Variants in BNIP5 observed in about 807,000 individuals in gnomAD.
BNIP5 encodes the protein BCL2 interacting protein 5, also known as protein BNIP5.
In BNIP5, 61 loss-of-function variants were observed where a neutral mutation model predicts 67.3. That is an observed-to-expected ratio of 0.91 (90% CI 0.74 to 1.12). The LOEUF is 1.12. Among genes scored for constraint, BNIP5 ranks in the 50% most tolerant of loss-of-function variants. The pLI is 0.00. For missense variants in BNIP5, 826 were observed against 816.3 expected, an observed-to-expected ratio of 1.01 and a Z score of -0.14; for synonymous variants, 317 against 319.0, an observed-to-expected ratio of 0.99 and a Z score of 0.07.
rs776142033 is a variant in BNIP5 at position 36,323,565 on chromosome 6, G to A, written c.1231-32C>T. 2.5e-6 allele frequency: 4 copies of A among 1,612,384 alleles called. No individual in the cohort carries two copies. In the African/African-American group the frequency reaches 4.0e-5, roughly 16 times the overall value. ...GGGAGATGAGAGAAACTGAGTCAGG[G>A]CCCCTGACCTTGAGGAGATCTCAGG... On this transcript the variant is annotated intron_variant, in intron 7 of 11. Transcript: ENST00000437635.
intron 11 of BNIP5, 105 bp from the exon 12 acceptor site, chr6:36,317,496 C>G (rs1333764932): frequency 1.0e-6 from 1 of 962,326 alleles, no homozygotes; most frequent in African/African-American, 1.6e-5. Context: ...CCCACCCCAG[C>G]CTCCATCTCT....
At chr6:36,328,512 C>T in intron 3 of BNIP5, 86 bp downstream of exon 3, 2 of 831,528 alleles carry the variant, frequency 2.4e-6, no homozygotes, top group South Asian at 2.9e-5. Context: ...CATCCAAGGT[C>T]TCAGTAATCA....
intron 1 of BNIP5, among the ~76,000 whole-genome samples, chr6:36,332,668 A>T (rs1291914983): frequency 6.6e-6 from 1 of 152,024 alleles, no homozygotes; most frequent in Non-Finnish European, 1.5e-5. Context: ...TCCATTCTCC[A>T]TCCAGAATGA....
At chr6:36,322,957 C>A (rs1771669064) in intron 8 of BNIP5, among the ~76,000 whole-genome samples, 1 of 152,272 alleles carries the variant, frequency 6.6e-6, no homozygotes, top group African/African-American at 2.4e-5. Flanking sequence ...AAACCCAGTT[C>A]TCTGTGCTTT....
intron 1 of BNIP5, among the ~76,000 whole-genome samples, chr6:36,333,369 A>G (rs1273794805): frequency 6.6e-6 from 1 of 152,222 alleles, no homozygotes; most frequent in Non-Finnish European, 1.5e-5. Context: ...CTACATGGAA[A>G]CTTTTAGCAA....
At chr6:36,320,566 C>A (rs1771611903) in intron 10 of BNIP5, among the ~76,000 whole-genome samples, 1 of 152,212 alleles carries the variant, frequency 6.6e-6, no homozygotes, top group Non-Finnish European at 1.5e-5. Context: ...AGAGAGGCAC[C>A]CAGAGCGTCC....
Position 36,321,151 on chromosome 6 carries a change from T to C in BNIP5, c.1668+4A>G. The C allele has an allele frequency of 6.3e-7, 1 of 1,580,416 alleles. No homozygotes were observed. Among genetic ancestry groups the C allele is most frequent in the Non-Finnish European group, 8.6e-7 (1 of 1,161,936 alleles). On this transcript the variant is annotated splice_donor_region_variant and intron_variant, in intron 10 of 11. Transcript: ENST00000437635. ...TGGCCTGGGGAGGGCTGAGTGGTAC[T>C]CACCTGCTGCCCCAGTTGGCCATCC...
chr6:36,322,500 A>C, intron 8 of BNIP5, 58 bp from the exon 9 acceptor site: 1 of 1,564,780 alleles, frequency 6.4e-7, no homozygotes, highest in Non-Finnish European at 8.7e-7. Flanking sequence ...AGTTCCTGAC[A>C]AGAAGCTGTT....
At chr6:36,317,491 C>T (rs1040348980) in intron 11 of BNIP5, 100 bp from the exon 12 acceptor site, 2 of 1,003,160 alleles carry the variant, frequency 2.0e-6, no homozygotes, top group East Asian at 4.8e-5. Flanking sequence ...GACACCCCAC[C>T]CCAGCCTCCA....
intron 9 of BNIP5, 78 bp downstream of exon 9, chr6:36,322,233 C>T: frequency 1.9e-6 from 3 of 1,561,522 alleles, no homozygotes; most frequent in South Asian, 2.2e-5. Context: ...CAGAACCATC[C>T]CCTATTCAGC....
rs1561886440 is a variant in BNIP5 at position 36,330,467 on chromosome 6, G to A, written c.224C>T (p.Ala75Val). ...ATCTCCGGTCTCCTCGGGAGTGGGG[G>A]CTGCAGCGGTGGTGCAGTGAGCCTC... Reference protein sequence around the residue: ...SAEAHCTTAAAPTPEETGDFL... With the variant: ...SAEAHCTTAAVPTPEETGDFL... The change falls in exon 2 of 12, where the codon GCC (alanine) becomes GTC (valine). Residue 75 changes from alanine (A) to valine (V), a missense_variant. Coordinates refer to ENST00000437635, the MANE Select transcript of BNIP5 (RefSeq NM_001010903.5). 5 of 1,614,204 alleles carry A rather than the reference G, an allele frequency of 3.1e-6. No individual in the cohort carries two copies. In the Admixed American group the frequency reaches 5.0e-5, roughly 16 times the overall value.
chr6:36,326,792 A>G (rs776422809), intron 4 of BNIP5, 39 bp from the exon 5 acceptor site: 12 of 1,610,962 alleles, frequency 7.4e-6, no homozygotes, highest in Non-Finnish European at 1.0e-5. Flanking sequence ...GGTTCATGAC[A>G]CTGAGAGGGG....
intron 9 of BNIP5, among the ~76,000 whole-genome samples, chr6:36,321,544 G>T (rs1180368952): frequency 2.0e-5 from 3 of 152,150 alleles, no homozygotes; most frequent in Non-Finnish European, 4.4e-5. Flanking sequence ...GGGTAGCACA[G>T]TCAAGAATGG....
At chr6:36,335,750 T>C (rs1012837654) in intron 1 of BNIP5, among the ~76,000 whole-genome samples, 4 of 152,210 alleles carry the variant, frequency 2.6e-5, no homozygotes, top group African/African-American at 9.7e-5. Context: ...AGTGGGGCAC[T>C]GAGGCTCCGG....
chr6:36,323,534 C>G lies in BNIP5; in HGVS notation c.1231-1G>C. 1 of 1,613,942 alleles carries G rather than the reference C, an allele frequency of 6.2e-7. No individual in the cohort carries two copies. Among genetic ancestry groups the G allele is most frequent in the South Asian group, 1.1e-5 (1 of 91,074 alleles). ...CCTCTTCCTGCTGGACTTGAGGTTG[C>G]TGTGGGGGAGATGAGAGAAACTGAG... On this transcript the variant is annotated splice_acceptor_variant, in intron 7 of 11. Coordinates refer to ENST00000437635, the MANE Select transcript of BNIP5 (RefSeq NM_001010903.5). LOFTEE classifies it high-confidence loss of function.
At position 36,317,077 on chromosome 6, in the gene BNIP5, C is replaced by T; in HGVS notation, c.*279G>A. On this transcript the variant is annotated 3_prime_UTR_variant, in exon 12 of 12. Coordinates refer to ENST00000437635, the MANE Select transcript of BNIP5 (RefSeq NM_001010903.5). ...GAGGGGGAATGTGTAGAGGGTCATG[C>T]AGCAAGTCTGGGGTAGGTTCAGCAG... 1.8e-6 allele frequency: 1 copy of T among 544,736 alleles called. No individual in the cohort carries two copies. Among genetic ancestry groups the T allele is most frequent in the Non-Finnish European group, 3.2e-6 (1 of 308,836 alleles). The allele number at this position is 544,736 out of a possible 1,614,324, so 33.7% of individuals were successfully genotyped here. A position where few individuals can be genotyped will look rare whatever the true frequency, so the allele number is the denominator to read the frequency against.
chr6:36,323,993 C>T, intron 7 of BNIP5, 136 bp downstream of exon 7: 1 of 690,290 alleles, frequency 1.4e-6, no homozygotes, highest in African/African-American at 1.9e-5. Context: ...GAGCAAGACT[C>T]CGTCTCCAAA....
intron 1 of BNIP5, among the ~76,000 whole-genome samples, chr6:36,331,397 T>G (rs1771903715): frequency 6.6e-6 from 1 of 152,198 alleles, no homozygotes; most frequent in African/African-American, 2.4e-5. Flanking sequence ...TGATAATTAA[T>G]TCATCTTGTC....
Position 36,326,172 on chromosome 6 carries a change from C to T in BNIP5, c.1036+338G>A, listed in dbSNP as rs1582129250. Among the ~76,000 whole-genome samples the T allele has an allele frequency of 2.0e-5, 3 of 152,330 alleles. No individual in the cohort carries two copies. The South Asian group carries it at 6.2e-4, about 32-fold the overall frequency. On this transcript the variant is annotated intron_variant, in intron 5 of 11. Transcript: ENST00000437635. ...ATGCTAGAACCCAGGTCTCCTGCCT[C>T]CCCTGCTCCAGCTCCTTCTTGCACA...
Sources: gnomAD v4.1 joint callset for allele counts (sites outside exome capture counted in the v4.1 genomes callset) on GRCh38, gnomAD v4.1.1 for gene constraint, MANE v1.5 for transcripts, NCBI Gene and HGNC (gene_info 2026-07-23, HGNC 2026-07-21) for gene names.